Variants in PCDHGA3 observed in about 807,000 individuals in gnomAD.
PCDHGA3 encodes protocadherin gamma-A3.
PCDHGA3 carries 40 observed loss-of-function variants against 58.5 expected under a neutral mutation model. That is an observed-to-expected ratio of 0.68 (90% CI 0.53 to 0.89). The LOEUF is 0.89. Among genes scored for constraint, PCDHGA3 ranks in the 40% least tolerant of loss-of-function variants. The probability of loss-of-function intolerance (pLI) is 0.00; values close to 1 mark genes in which losing one functional copy is unlikely to be tolerated. For missense variants in PCDHGA3, 1,223 were observed against 1,195.9 expected (o/e 1.02, Z -0.33); for synonymous variants, 530 against 525.7 (o/e 1.01, Z -0.11).
Position 141,477,012 on chromosome 5 carries a change from T to C in PCDHGA3, c.2425-17795T>C. The C allele has an allele frequency of 6.2e-7, 1 of 1,614,186 alleles. No homozygotes were observed. Among genetic ancestry groups the C allele is most frequent in the Non-Finnish European group, 8.5e-7 (1 of 1,180,026 alleles). On this transcript the variant is annotated intron_variant, in intron 1 of 3. Coordinates refer to ENST00000253812, the MANE Select transcript of PCDHGA3 (RefSeq NM_018916.4). The surrounding 1 kb of genome is among the most constrained non-coding windows in gnomAD (Gnocchi z 4.9). The stretch of plus-strand genomic sequence containing the variant: ...GTGCGGCAACTATTCGCCTTAGACC[T>C]TGTAACCGGGATGCTGACAATCAAG...
chr5:141,412,923 G>A, intron 1 of PCDHGA3: 1 of 420,946 alleles, frequency 2.4e-6, no homozygotes, highest in East Asian at 3.6e-5. Flanking sequence ...CTTGGGTGCA[G>A]TAACTTCTTA....
At chr5:141,494,752 T>G (rs889400984) in intron 1 of PCDHGA3, 55 bp from the exon 2 acceptor site, 6 of 1,612,324 alleles carry the variant, frequency 3.7e-6, no homozygotes, top group East Asian at 2.2e-5. Flanking sequence ...GGGGCTCGGG[T>G]GACATTCTAA....
At position 141,487,128 on chromosome 5, in the gene PCDHGA3, G is replaced by A; in HGVS notation, c.2425-7679G>A. The A allele has an allele frequency of 6.2e-7, 1 of 1,614,086 alleles. No individual in the cohort carries two copies. ...GTCATTGTGGTAAAGGATAGTGGTA[G>A]TCCACCACTCTCTACCTCTGTTACT... is the stretch of plus-strand genomic sequence containing the variant. On this transcript the variant is annotated intron_variant, in intron 1 of 3. Transcript: ENST00000253812. This position sits in a 1 kb window ranked among gnomAD's most constrained non-coding sequence, Gnocchi z 5.0.
In PCDHGA3 at chr5:141,476,653, C is replaced by T; in HGVS notation, c.2425-18154C>T. ...CCTATGAGCTGAGCCGAAATGAATA[C>T]TTTGCGCTTCGCGTGCAGACGCGGG... is the stretch of plus-strand genomic sequence containing the variant. On this transcript the variant is annotated intron_variant, in intron 1 of 3. Transcript: ENST00000253812. The surrounding 1 kb of genome is among the most constrained non-coding windows in gnomAD (Gnocchi z 7.6). 6.2e-7 allele frequency: 1 copy of T among 1,614,270 alleles called. No individual in the cohort carries two copies. The highest frequency in any genetic ancestry group is 8.5e-7 in the Non-Finnish European group (1 of 1,180,058).
chr5:141,469,581 A>G (rs543624370), intron 1 of PCDHGA3, among the ~76,000 whole-genome samples: 1 of 152,340 alleles, frequency 6.6e-6, no homozygotes, highest in Admixed American at 6.5e-5. Flanking sequence ...CTCTAAATAA[A>G]TAAATAAATA....
Position 141,409,527 on chromosome 5 carries a change from T to A in PCDHGA3, c.2424+63070T>A. 1 of 1,613,970 alleles carries A rather than the reference T, an allele frequency of 6.2e-7. No homozygotes were observed. Among genetic ancestry groups the A allele is most frequent in the South Asian group, 1.1e-5 (1 of 91,084 alleles). ...TCCAGTAGAAGCATCACCTTGTATGTCGCTGACATCAACGACAACGCCCCA... is the reference window on the plus strand; with the variant it reads ...TCCAGTAGAAGCATCACCTTGTATGACGCTGACATCAACGACAACGCCCCA... On this transcript the variant is annotated intron_variant, in intron 1 of 3. Coordinates refer to ENST00000253812, the MANE Select transcript of PCDHGA3 (RefSeq NM_018916.4).
intron 1 of PCDHGA3, chr5:141,422,076 G>C (rs2096622180): frequency 1.2e-6 from 2 of 1,612,270 alleles, no homozygotes; most frequent in South Asian, 1.1e-5. Flanking sequence ...ATTCATTTCG[G>C]AACATGGAAA....
chr5:141,419,999 C>T (rs369649545), intron 1 of PCDHGA3: 4 of 1,613,960 alleles, frequency 2.5e-6, no homozygotes, highest in Non-Finnish European at 3.4e-6. Flanking sequence ...TATTGCTCTA[C>T]GCCTGCGACA....
chr5:141,364,406 C>A, intron 1 of PCDHGA3: 1 of 1,609,568 alleles, frequency 6.2e-7, no homozygotes, highest in East Asian at 2.2e-5. Context: ...GCTGTGCGAG[C>A]CAGGATCCGG....
chr5:141,490,142 C>T lies in PCDHGA3; in HGVS notation c.2425-4665C>T. On this transcript the variant is annotated intron_variant, in intron 1 of 3. Transcript: ENST00000253812. This position sits in a 1 kb window ranked among gnomAD's most constrained non-coding sequence, Gnocchi z 5.4. ...TTTGGCCTAGACCCTAGCAGTGGGG[C>T]AATCCATGTGTTGGGTCCCATAGAC... 2 of 1,614,220 alleles carry T rather than the reference C, an allele frequency of 1.2e-6. No individual in the cohort carries two copies. Among genetic ancestry groups the T allele is most frequent in the South Asian group, 1.1e-5 (1 of 91,088 alleles).
intron 1 of PCDHGA3, chr5:141,395,295 T>G: frequency 1.3e-6 from 2 of 1,525,988 alleles, no homozygotes; most frequent in Middle Eastern, 1.8e-4. Flanking sequence ...TGGCATAAAT[T>G]ATGTTTTGAA....
rs771124496 is a variant in PCDHGA3, at chr5:141,489,457, C to A, written c.2425-5350C>A. The A allele has an allele frequency of 6.2e-7, 1 of 1,613,882 alleles. No homozygotes were observed. The highest frequency in any genetic ancestry group is 8.5e-7 in the Non-Finnish European group (1 of 1,179,984). ...GCAATTGGGCTCTGAGGAGAATGGG[C>A]GCTATTTTTCCCTGAGCTTGATGAG... On this transcript the variant is annotated intron_variant, in intron 1 of 3. Coordinates refer to ENST00000253812, the MANE Select transcript of PCDHGA3 (RefSeq NM_018916.4). This position sits in a 1 kb window ranked among gnomAD's most constrained non-coding sequence, Gnocchi z 4.5.
At chr5:141,347,049 TTCCTCCTTCCTTCCTTCCTTC>T (rs1757852847) in intron 1 of PCDHGA3, among the ~76,000 whole-genome samples, 1 of 147,134 alleles carries the variant, frequency 6.8e-6, no homozygotes, top group Admixed American at 6.7e-5. Flanking sequence ...CTCTCTCTCT[TTCCTCCTTCCTTCCTTCCTTC>T]CTCTCTCTCT....
chr5:141,371,500 T>C, intron 1 of PCDHGA3: 5 of 1,613,872 alleles, frequency 3.1e-6, no homozygotes, highest in South Asian at 1.1e-5. Context: ...GTTGCCCTGA[T>C]CAAAACACAT....
chr5:141,351,903 T>G (rs1367972481), intron 1 of PCDHGA3: 63 of 1,613,408 alleles, frequency 3.9e-5, no homozygotes, highest in Non-Finnish European at 5.2e-5. Flanking sequence ...CGCGTGTTGG[T>G]GGGCGACCTC....
chr5:141,406,757 A>C (rs1274112027), intron 1 of PCDHGA3, among the ~76,000 whole-genome samples: 3 of 152,230 alleles, frequency 2.0e-5, no homozygotes, highest in Non-Finnish European at 4.4e-5. Context: ...CAAAACAAGG[A>C]ATTAAAAATA....
At chr5:141,394,277 T>C (rs1209758237) in intron 1 of PCDHGA3, 1 of 1,613,946 alleles carries the variant, frequency 6.2e-7, no homozygotes, top group South Asian at 1.1e-5. Flanking sequence ...CCCAGGTCAC[T>C]TACTCTGTGA....
chr5:141,474,105 C>A (rs1292743515), intron 1 of PCDHGA3, among the ~76,000 whole-genome samples: 1 of 152,036 alleles, frequency 6.6e-6, no homozygotes, highest in African/African-American at 2.4e-5. Flanking sequence ...ACAACAAAAA[C>A]AACAACAACG....
intron 1 of PCDHGA3, chr5:141,427,902 C>G: frequency 6.4e-7 from 1 of 1,573,742 alleles, no homozygotes; most frequent in South Asian, 1.1e-5. Flanking sequence ...CTCGCCCGCG[C>G]TCAGCGCCAA....
Sources: allele counts gnomAD v4.1 joint callset (sites outside exome capture counted in the v4.1 genomes callset), GRCh38; gene constraint gnomAD v4.1.1; non-coding constraint Gnocchi (gnomAD v3.1); transcripts MANE v1.5; gene names NCBI Gene and HGNC (gene_info 2026-07-23, HGNC 2026-07-21).